The following TPX2 variants were observed in gnomAD, a reference collection of about 807,000 sequenced individuals.
TPX2 encodes the protein targeting protein for Xklp2.
A neutral mutation model predicts 93.6 loss-of-function variants in TPX2; 21 were observed. The observed-to-expected ratio is 0.22, with a 90% CI of 0.16 to 0.32. TPX2 has a LOEUF of 0.32. Ranked by LOEUF, TPX2 falls within the 10% of genes least tolerant of loss-of-function variation. The pLI is 1.00. For missense variants in TPX2, 776 were observed against 871.1 expected (o/e 0.89, Z 1.37); for synonymous variants, 281 against 298.3 (o/e 0.94, Z 0.60).
intron 7 of TPX2, among the ~76,000 whole-genome samples, chr20:31,774,171 AATTT>A (rs1402615381): frequency 2.0e-5 from 3 of 152,176 alleles, no homozygotes; most frequent in Admixed American, 1.3e-4. Flanking sequence ...GCCTGGCTGG[AATTT>A]ATTCTCTTAG....
chr20:31,763,595 A>G (rs1413390505), intron 4 of TPX2, among the ~76,000 whole-genome samples: 1 of 152,064 alleles, frequency 6.6e-6, no homozygotes, highest in Non-Finnish European at 1.5e-5. Flanking sequence ...TTGTCTCTTT[A>G]TCTTTATAAT....
intron 5 of TPX2, 145 bp downstream of exon 5, chr20:31,766,827 G>A: frequency 1.1e-6 from 1 of 882,498 alleles, no homozygotes; most frequent in Non-Finnish European, 1.5e-6. Flanking sequence ...GAGACGGAGT[G>A]TTTCGCTCTT....
chr20:31,795,579 G>T (rs1009867437), intron 15 of TPX2, among the ~76,000 whole-genome samples: 1 of 152,260 alleles, frequency 6.6e-6, no homozygotes. Flanking sequence ...GTGATCACCC[G>T]GGGAATGTGG....
intron 2 of TPX2, among the ~76,000 whole-genome samples, chr20:31,745,483 A>G (rs1180676347): frequency 2.6e-5 from 4 of 152,062 alleles, no homozygotes; most frequent in African/African-American, 9.7e-5. Flanking sequence ...GCACGCCACC[A>G]CACCTGGCTA....
chr20:31,767,510 C>CTA (rs1462804980), intron 5 of TPX2, among the ~76,000 whole-genome samples: 1 of 151,924 alleles, frequency 6.6e-6, no homozygotes, highest in East Asian at 1.9e-4. Flanking sequence ...AGTGCTGAGA[C>CTA]TATATAGGCA....
intron 1 of TPX2, among the ~76,000 whole-genome samples, chr20:31,742,303 G>C (rs1355819499): frequency 6.6e-6 from 1 of 151,320 alleles, no homozygotes; most frequent in African/African-American, 2.4e-5. Flanking sequence ...TCAGTGTCCC[G>C]AGTAGCTGGG....
In TPX2 at chr20:31,778,854, C is replaced by A. The variant is rs565058479; in HGVS notation, c.924C>A (p.Asn308Lys). The change falls in exon 10 of 18, where the codon AAC becomes AAA. Residue 308 changes from asparagine (N) to lysine (K), a missense_variant. This residue lies in a region of TPX2 where 461 missense variants were observed against 551.2 expected (regional missense o/e 0.84). Coordinates refer to ENST00000300403, the MANE Select transcript of TPX2 (RefSeq NM_012112.5). ...TKGCTIVKPFNLSQGKKRTFD... is the reference protein window; with the variant it reads ...TKGCTIVKPFKLSQGKKRTFD... Reference sequence around the variant, plus strand: ...GATGTACCATTGTTAAGCCTTTCAACCTGTCCCAAGGAAAGAAAAGAACAT... The same window carrying A: ...GATGTACCATTGTTAAGCCTTTCAAACTGTCCCAAGGAAAGAAAAGAACAT... 5.0e-6 allele frequency: 8 copies of A among 1,608,116 alleles called. No homozygotes were observed. In the South Asian group the frequency reaches 7.8e-5, roughly 16 times the overall value.
chr20:31,763,912 G>A (rs58849341), intron 4 of TPX2, among the ~76,000 whole-genome samples: 6 of 151,182 alleles, frequency 4.0e-5, no homozygotes, highest in African/African-American at 7.3e-5. Flanking sequence ...CCAGCTACTC[G>A]GGAGGCTGAG....
rs142485490 is a variant in TPX2, at chr20:31,760,259, A to G, written c.229+80A>G. 1.9e-6 allele frequency: 3 copies of G among 1,552,626 alleles called. No individual in the cohort carries two copies. In the East Asian group the frequency reaches 6.8e-5, roughly 35 times the overall value. Reference sequence around the variant, plus strand: ...AGAAGCCTGAGGTTCTGGGAAAATTACCTAAATGCTCTATCTCTTTGTTTA... The same window carrying G: ...AGAAGCCTGAGGTTCTGGGAAAATTGCCTAAATGCTCTATCTCTTTGTTTA... On this transcript the variant is annotated intron_variant, in intron 4 of 17. Transcript: ENST00000300403.
At chr20:31,792,943 T>C (rs1305822215) in intron 13 of TPX2, 113 bp downstream of exon 13, 2 of 948,540 alleles carry the variant, frequency 2.1e-6, no homozygotes, top group Admixed American at 4.2e-5. Flanking sequence ...TTTTTGGACT[T>C]GTCTTTAAGA....
rs979966104 is a variant in TPX2, at chr20:31,801,652, T to C, written c.*572T>C. ...TGAGGAAGAAGACTGCGTGGATTCA[T>C]GGGGAGCCTCACAGCAGCCACGCAG... On this transcript the variant is annotated 3_prime_UTR_variant, in exon 18 of 18. Coordinates refer to ENST00000300403, the MANE Select transcript of TPX2 (RefSeq NM_012112.5). 3 of 152,272 alleles carry C rather than the reference T, an allele frequency of 2.0e-5. No homozygotes were observed. Among genetic ancestry groups the C allele is most frequent in the Non-Finnish European group, 4.4e-5 (3 of 68,120 alleles). The allele number at this position is 152,272 out of a possible 1,614,324, so 9.4% of individuals were successfully genotyped here. A position where few individuals can be genotyped will look rare whatever the true frequency, so the allele number is the denominator to read the frequency against.
intron 1 of TPX2, among the ~76,000 whole-genome samples, chr20:31,741,718 A>G (rs1016384715): frequency 6.6e-6 from 1 of 152,100 alleles, no homozygotes; most frequent in African/African-American, 2.4e-5. Context: ...TGACCTCGTA[A>G]TCTGCCTGCC....
At chr20:31,765,446 A>C (rs2061919217) in intron 4 of TPX2, among the ~76,000 whole-genome samples, 1 of 151,066 alleles carries the variant, frequency 6.6e-6, no homozygotes, top group Non-Finnish European at 1.5e-5. Flanking sequence ...TCTCAAACTC[A>C]TATTGGTTTT....
intron 4 of TPX2, among the ~76,000 whole-genome samples, chr20:31,761,461 A>G (rs2061890732): frequency 6.6e-6 from 1 of 152,140 alleles, no homozygotes; most frequent in Admixed American, 6.5e-5. Context: ...CGGCCTCCCA[A>G]AGTGCTGGGA....
Position 31,774,275 on chromosome 20 carries a change from T to G in TPX2, c.609-1592T>G, listed in dbSNP as rs2061982037. Among the ~76,000 whole-genome samples, 2 of 152,206 alleles carry G rather than the reference T, an allele frequency of 1.3e-5. 1 individual carries two copies. Among genetic ancestry groups the G allele is most frequent in the Admixed American group, 1.3e-4 (2 of 15,266 alleles). ...TCTTGTCTGAGATTTGTTGTACTCT[T>G]TAATCGTCATCTCCCCATTTCCCCC... On this transcript the variant is annotated intron_variant, in intron 7 of 17. Coordinates refer to ENST00000300403, the MANE Select transcript of TPX2 (RefSeq NM_012112.5).
chr20:31,785,600 C>T (rs1226181442), intron 12 of TPX2, among the ~76,000 whole-genome samples: 4 of 151,778 alleles, frequency 2.6e-5, no homozygotes, highest in South Asian at 2.1e-4. Flanking sequence ...CGGGTTTAAG[C>T]GATTCTCCCA....
At chr20:31,742,228 C>CACTG (rs2061757426) in intron 1 of TPX2, among the ~76,000 whole-genome samples, 1 of 143,766 alleles carries the variant, frequency 7.0e-6, no homozygotes, top group African/African-American at 2.6e-5. Flanking sequence ...GGCTGGAGTG[C>CACTG]ACTGGCTGGC....
At chr20:31,771,959 C>T (rs1339151138) in intron 7 of TPX2, among the ~76,000 whole-genome samples, 1 of 151,986 alleles carries the variant, frequency 6.6e-6, no homozygotes, top group Non-Finnish European at 1.5e-5. Flanking sequence ...TTACGTGATC[C>T]TCCCACCTCA....
intron 7 of TPX2, among the ~76,000 whole-genome samples, chr20:31,772,251 C>CT (rs2061968982): frequency 6.6e-6 from 1 of 152,136 alleles, no homozygotes; most frequent in Non-Finnish European, 1.5e-5. Context: ...GAATTCCTGA[C>CT]TTTAAGTTAT....
Sources: gnomAD v4.1 joint callset for allele counts (sites outside exome capture counted in the v4.1 genomes callset) on GRCh38, gnomAD v4.1.1 for gene constraint, gnomAD v4.1.1 regional missense constraint, MANE v1.5 for transcripts, NCBI Gene and HGNC (gene_info 2026-07-23, HGNC 2026-07-21) for gene names.